The following DYNC2I1 variants were observed in gnomAD, a reference collection of about 807,000 sequenced individuals.
The protein encoded by DYNC2I1 is dynein 2 intermediate chain 1.
A neutral mutation model predicts 133.4 loss-of-function variants in DYNC2I1; 89 were observed. The ratio of observed to expected loss-of-function variants is 0.67; its 90% CI spans 0.56 to 0.80. The LOEUF (loss-of-function observed/expected upper bound fraction) is 0.80. DYNC2I1 is among the 30% of genes least tolerant of loss of function. The probability of loss-of-function intolerance (pLI) is 0.00; values close to 1 mark genes in which losing one functional copy is unlikely to be tolerated. For missense variants in DYNC2I1, 1,291 were observed against 1,314.5 expected, an observed-to-expected ratio of 0.98 and a Z score of 0.28; for synonymous variants, 504 against 484.3, an observed-to-expected ratio of 1.04 and a Z score of -0.54.
chr7:158,927,009 A>G lies in DYNC2I1; in HGVS notation c.2451A>G (p.Pro817=). Residue 817 remains proline (P), a synonymous_variant, in exon 20 of 25, where the codon CCA becomes CCG. Transcript: ENST00000407559. The part of the protein sequence containing the change: ...VLNVWVVVEL[P]KADIAGSISD... The stretch of plus-strand genomic sequence containing the variant: ...GTTTTTAGGTGGTTGTTGAATTACC[A>G]AAGGCAGACATCGCAGGTTCAATAA... The G allele has an allele frequency of 6.2e-7, 1 of 1,604,508 alleles. No individual in the cohort carries two copies. Among genetic ancestry groups the G allele is most frequent in the Non-Finnish European group, 8.5e-7 (1 of 1,174,920 alleles).
downstream of DYNC2I1, among the ~76,000 whole-genome samples, chr7:158,950,874 C>T (rs375362389): frequency 7.8e-5 from 11 of 141,154 alleles, no homozygotes; most frequent in Admixed American, 2.8e-4. Context: ...TATACTGCAC[C>T]GGGACCAGCC....
At chr7:158,869,456 G>A (rs1358692950) in intron 1 of DYNC2I1, 1 of 472,126 alleles carries the variant, frequency 2.1e-6, no homozygotes, top group Non-Finnish European at 4.4e-6. Context: ...CGCAGAAGGA[G>A]CACAGACTCC....
At chr7:158,915,356 G>A (rs1460161001) in intron 14 of DYNC2I1, among the ~76,000 whole-genome samples, 1 of 112,180 alleles carries the variant, frequency 8.9e-6, no homozygotes, top group Non-Finnish European at 2.1e-5. Context: ...TCGACACGCT[G>A]GTTGACATTA....
chr7:158,933,989 CAG>C (rs1850488328), intron 21 of DYNC2I1, 138 bp from the exon 22 acceptor site: 2 of 616,098 alleles, frequency 3.2e-6, no homozygotes, highest in Admixed American at 7.1e-5. Context: ...AAAATAGAAA[CAG>C]AGTGGCTAAA....
intron 8 of DYNC2I1, among the ~76,000 whole-genome samples, chr7:158,898,752 G>T (rs1353695341): frequency 1.3e-5 from 2 of 151,596 alleles, no homozygotes; most frequent in African/African-American, 2.4e-5. Flanking sequence ...TTTTTTATTT[G>T]TTGCCCTTGT....
In DYNC2I1 at chr7:158,902,348, G is replaced by T. The variant is rs757475722; in HGVS notation, c.1138-28G>T. The T allele has an allele frequency of 7.5e-6, 12 of 1,591,152 alleles. No homozygotes were observed. In the African/African-American group the frequency reaches 1.2e-4, roughly 16 times the overall value. On this transcript the variant is annotated intron_variant, in intron 9 of 24. Coordinates refer to ENST00000407559, the MANE Select transcript of DYNC2I1 (RefSeq NM_018051.5). ...AATTGAAAGTCAGTTTGTCTTAAAG[G>T]GTTCCAAAAGATTATTATTGTTTGC...
At chr7:158,916,675 C>T (rs557422088) in intron 14 of DYNC2I1, among the ~76,000 whole-genome samples, 12 of 75,692 alleles carry the variant, frequency 1.6e-4, no homozygotes, top group Admixed American at 3.7e-4. Flanking sequence ...AACCTCGACA[C>T]GGTGGTTGAG....
At chr7:158,918,675 T>G (rs779786419) in intron 14 of DYNC2I1, 65 bp from the exon 15 acceptor site, 16 of 1,583,990 alleles carry the variant, frequency 1.0e-5, no homozygotes, top group Non-Finnish European at 1.4e-5. Context: ...AAAAGGTAAT[T>G]TTTTTTTGGA....
In DYNC2I1 at chr7:158,914,615, C is replaced by G. The variant is rs555506269; in HGVS notation, c.1791+294C>G. Among the ~76,000 whole-genome samples the G allele has an allele frequency of 1.8e-4, 28 of 152,192 alleles. 2 individuals are homozygous for G. The highest frequency in any genetic ancestry group is 1.8e-3 in the Admixed American group (28 of 15,290). On this transcript the variant is annotated intron_variant, in intron 14 of 24. Coordinates refer to ENST00000407559, the MANE Select transcript of DYNC2I1 (RefSeq NM_018051.5). ...TAAAACAACTATAGACTAGCAGACA[C>G]GAAGTTGGCAAGGCAAGCATAAATC...
intron 1 of DYNC2I1, among the ~76,000 whole-genome samples, chr7:158,862,878 C>T (rs1841984408): frequency 6.6e-6 from 1 of 151,960 alleles, no homozygotes; most frequent in South Asian, 2.1e-4. Flanking sequence ...AAGCGACAGA[C>T]CTTCGCAGTG....
At chr7:158,923,444 C>T (rs1427897276) in intron 16 of DYNC2I1, 127 bp from the exon 17 acceptor site, 7 of 1,246,086 alleles carry the variant, frequency 5.6e-6, no homozygotes, top group Admixed American at 4.0e-5. Context: ...GTTCTGCTTA[C>T]TGGGCCCTGC....
chr7:158,866,898 A>G (rs1318822424), intron 1 of DYNC2I1, among the ~76,000 whole-genome samples: 1 of 151,608 alleles, frequency 6.6e-6, no homozygotes, highest in Non-Finnish European at 1.5e-5. Context: ...AAAAAAAAAA[A>G]TTGTTTAATA....
intron 1 of DYNC2I1, among the ~76,000 whole-genome samples, chr7:158,859,461 T>C (rs968926666): frequency 6.6e-6 from 1 of 152,178 alleles, no homozygotes; most frequent in African/African-American, 2.4e-5. Flanking sequence ...TTTTTGACAT[T>C]TGACTGTCCC....
rs1489439261 is a variant in DYNC2I1 at position 158,901,753 on chromosome 7, A to G, written c.1074A>G (p.Glu358=). ...GGEETVEIEK[E]ETDLENARAD... ...TTTACCTCTAGGAAATTGAAAAGGA[A>G]GAAACTGATTTAGAAAATGCTAGAG... Residue 358 remains glutamate (E), a synonymous_variant, in exon 9 of 25, where the codon GAA becomes GAG. Transcript: ENST00000407559. 3.2e-6 allele frequency: 5 copies of G among 1,577,172 alleles called. No individual in the cohort carries two copies. The highest frequency in any genetic ancestry group is 2.6e-6 in the Non-Finnish European group (3 of 1,161,980).
At chr7:158,855,045 G>A (rs1311963114), upstream of DYNC2I1, among the ~76,000 whole-genome samples, 2 of 152,234 alleles carry the variant, frequency 1.3e-5, no homozygotes, top group African/African-American at 4.8e-5. Context: ...GACTCGGCTT[G>A]CAACCACCCA....
Position 158,871,213 on chromosome 7 carries a change from G to A in DYNC2I1, c.141G>A (p.Met47Ile). Residue 47 changes from methionine to isoleucine, a missense_variant, in exon 3 of 25, where the codon ATG becomes ATA. Coordinates refer to ENST00000407559, the MANE Select transcript of DYNC2I1 (RefSeq NM_018051.5). ...AGAAGCTGCGTAAGGAGTCTGAGAT[G>A]GACCTTCCTGAACATAAGGAGCCGA... Reference protein sequence around the residue: ...REKKLRKESEMDLPEHKEPRC... With the variant: ...REKKLRKESEIDLPEHKEPRC... The A allele has an allele frequency of 1.9e-6, 3 of 1,613,702 alleles. No homozygotes were observed. Among genetic ancestry groups the A allele is most frequent in the Non-Finnish European group, 8.5e-7 (1 of 1,179,728 alleles).
At position 158,869,924 on chromosome 7, in the gene DYNC2I1, A is replaced by G. The variant is rs1842729367; in HGVS notation, c.69+16A>G. 1 of 1,612,066 alleles carries G rather than the reference A, an allele frequency of 6.2e-7. No individual in the cohort carries two copies. The highest frequency in any genetic ancestry group is 1.1e-5 in the South Asian group (1 of 91,010). On this transcript the variant is annotated intron_variant, in intron 2 of 24. Transcript: ENST00000407559. ...ACATCTCTGGGTAATTATTGTAAAG[A>G]TTTGGATTGGGATCTGTGCAGGACT...
intron 20 of DYNC2I1, among the ~76,000 whole-genome samples, chr7:158,929,789 A>G (rs1850032603): frequency 6.6e-6 from 1 of 152,210 alleles, no homozygotes; most frequent in Non-Finnish European, 1.5e-5. Flanking sequence ...TTTAGAGGGA[A>G]AGTGATATTG....
chr7:158,907,377 TG>T lies in DYNC2I1; in HGVS notation c.1460+1287del, dbSNP rs1846940505. ...AACTCAGAAATAAAGCTACACAGTA[TG>T]TTGTTTAGACTCATATAAATATGAG... On this transcript the variant is annotated intron_variant, in intron 11 of 24. Transcript: ENST00000407559. 2.0e-5 allele frequency among the ~76,000 whole-genome samples: 3 copies of T among 151,268 alleles called. No individual in the cohort carries two copies. In the South Asian group the frequency reaches 6.3e-4, roughly 32 times the overall value.
Sources: gnomAD v4.1 joint callset for allele counts (sites outside exome capture counted in the v4.1 genomes callset) on GRCh38, gnomAD v4.1.1 for gene constraint, MANE v1.5 for transcripts, NCBI Gene and HGNC (gene_info 2026-07-23, HGNC 2026-07-21) for gene names.